Variants in UBE2L3 observed in about 807,000 individuals in gnomAD.
UBE2L3 encodes ubiquitin conjugating enzyme E2 L3, also known as ubiquitin-conjugating enzyme E2 L3.
Under a neutral mutation model 17.8 loss-of-function variants are expected in UBE2L3, and 1 was observed. The ratio of observed to expected loss-of-function variants is 0.06; its 90% CI spans 0.02 to 0.27. The LOEUF (loss-of-function observed/expected upper bound fraction) is 0.27. Ranked by LOEUF, UBE2L3 falls within the 10% of genes least tolerant of loss-of-function variation. The pLI is 1.00. For synonymous variants in UBE2L3, 44 were observed against 68.5 expected, an observed-to-expected ratio of 0.64 and a Z score of 1.76; for missense variants, 40 against 192.6, an observed-to-expected ratio of 0.21 and a Z score of 4.69.
intron 1 of UBE2L3, among the ~76,000 whole-genome samples, chr22:21,581,485 G>A (rs541872619): frequency 1.3e-5 from 2 of 152,170 alleles, no homozygotes; most frequent in South Asian, 2.1e-4. Context: ...CCACTGTGCT[G>A]GCCGGTGTTC....
At position 21,609,361 on chromosome 22, in the gene UBE2L3, G is replaced by C. The variant is rs1254050676; in HGVS notation, c.124-1496G>C. Among the ~76,000 whole-genome samples, 2 of 152,100 alleles carry C rather than the reference G, an allele frequency of 1.3e-5. 1 individual carries two copies. The highest frequency in any genetic ancestry group is 2.9e-5 in the Non-Finnish European group (2 of 68,026). On this transcript the variant is annotated intron_variant, in intron 2 of 3. Transcript: ENST00000342192. ...AAAGCAACCAAGATGTCCTTCAGTGGGTTAATGGATAAATAAATTGTGGTA... is the reference window on the plus strand; with the variant it reads ...AAAGCAACCAAGATGTCCTTCAGTGCGTTAATGGATAAATAAATTGTGGTA...
intron 1 of UBE2L3, among the ~76,000 whole-genome samples, chr22:21,576,963 C>G (rs908278134): frequency 2.6e-5 from 4 of 151,272 alleles, no homozygotes; most frequent in Non-Finnish European, 5.9e-5. Flanking sequence ...GCCACCATGC[C>G]TGGCTAATTT....
intron 3 of UBE2L3, among the ~76,000 whole-genome samples, chr22:21,613,563 G>T (rs549667193): frequency 1.3e-5 from 2 of 152,274 alleles, no homozygotes; most frequent in South Asian, 2.1e-4. Context: ...CATACATCAA[G>T]AATGTTGTTC....
intron 1 of UBE2L3, among the ~76,000 whole-genome samples, chr22:21,569,057 G>C (rs1349134480): frequency 6.6e-6 from 1 of 152,088 alleles, no homozygotes; most frequent in Non-Finnish European, 1.5e-5. Flanking sequence ...CTACTCCCAG[G>C]TGCAGTCGTC....
chr22:21,598,299 A>C (rs958567806), intron 2 of UBE2L3, among the ~76,000 whole-genome samples: 26 of 150,718 alleles, frequency 1.7e-4, no homozygotes, highest in Non-Finnish European at 2.2e-4. Flanking sequence ...TAGATTATTG[A>C]TTTCAGACTT....
At chr22:21,563,540 C>T (rs192750671), upstream of UBE2L3, among the ~76,000 whole-genome samples, 25 of 141,708 alleles carry the variant, frequency 1.8e-4, no homozygotes, top group African/African-American at 6.6e-4. Flanking sequence ...CCAGCCTGGG[C>T]GAAGAGCGAG....
intron 2 of UBE2L3, among the ~76,000 whole-genome samples, chr22:21,598,357 A>G (rs918943672): frequency 6.6e-6 from 1 of 151,830 alleles, no homozygotes; most frequent in African/African-American, 2.4e-5. Context: ...TTTGAGCACT[A>G]CTTTTGCTGC....
intron 2 of UBE2L3, among the ~76,000 whole-genome samples, chr22:21,595,972 TC>T: frequency 6.6e-6 from 1 of 151,994 alleles, no homozygotes; most frequent in African/African-American, 2.4e-5. Context: ...TTCAAGCGAT[TC>T]TCCTGCCTCA....
chr22:21,607,171 G>T lies in UBE2L3; in HGVS notation c.124-3686G>T, dbSNP rs1601433741. ...TCTGTTTACTGGAGTGCGTACTTAG[G>T]CCACGGCTTGAAGATATGGGGCTGG... On this transcript the variant is annotated intron_variant, in intron 2 of 3. Transcript: ENST00000342192. 2.6e-5 allele frequency among the ~76,000 whole-genome samples: 4 copies of T among 152,180 alleles called. No individual in the cohort carries two copies. The Middle Eastern group carries it at 0.014, about 518-fold the overall frequency.
intron 1 of UBE2L3, among the ~76,000 whole-genome samples, chr22:21,589,936 C>G (rs1295015915): frequency 6.6e-6 from 1 of 152,142 alleles, no homozygotes; most frequent in Non-Finnish European, 1.5e-5. Flanking sequence ...ATTCTTCTTT[C>G]TGGCCAGGTG....
In UBE2L3 at chr22:21,580,701, C is replaced by A. The variant is rs562553693; in HGVS notation, c.28-12160C>A. Among the ~76,000 whole-genome samples the A allele has an allele frequency of 5.3e-5, 8 of 152,248 alleles. No individual in the cohort carries two copies. The East Asian group carries it at 1.5e-3, about 29-fold the overall frequency. On this transcript the variant is annotated intron_variant, in intron 1 of 3. Coordinates refer to ENST00000342192, the MANE Select transcript of UBE2L3 (RefSeq NM_003347.4). ...TCCTGACCTTGTGATCCCCCCACCT[C>A]AGCCTCCCAAAATGCGGGATTACAG...
intron 1 of UBE2L3, among the ~76,000 whole-genome samples, chr22:21,585,797 A>G (rs1601410864): frequency 6.6e-6 from 1 of 152,178 alleles, no homozygotes; most frequent in African/African-American, 2.4e-5. Context: ...GATTCTGCAC[A>G]CTGCTCATTT....
In UBE2L3 at chr22:21,567,777, A is replaced by G; in HGVS notation, c.27+6A>G. ...CCAGCAGGAGGCTGATGAAGGTAAA[A>G]GCCATTCTCTGGCAGCGGCCGGGCG... On this transcript the variant is annotated splice_donor_region_variant and intron_variant, in intron 1 of 3. Transcript: ENST00000342192. 2 of 1,581,734 alleles carry G rather than the reference A, an allele frequency of 1.3e-6. No individual in the cohort carries two copies. Among genetic ancestry groups the G allele is most frequent in the Non-Finnish European group, 1.7e-6 (2 of 1,165,326 alleles).
At chr22:21,574,899 A>C (rs541084094) in intron 1 of UBE2L3, among the ~76,000 whole-genome samples, 5 of 152,126 alleles carry the variant, frequency 3.3e-5, no homozygotes, top group African/African-American at 1.2e-4. Context: ...TGAGAGGCAG[A>C]GGTTGCAGCG....
chr22:21,599,938 T>C (rs1385352586), intron 2 of UBE2L3, among the ~76,000 whole-genome samples: 1 of 152,214 alleles, frequency 6.6e-6, no homozygotes, highest in Non-Finnish European at 1.5e-5. Context: ...TTAATGGAGA[T>C]TGTGATTTTA....
chr22:21,605,486 G>T (rs1454179194), intron 2 of UBE2L3, among the ~76,000 whole-genome samples: 3 of 152,042 alleles, frequency 2.0e-5, no homozygotes, highest in Non-Finnish European at 4.4e-5. Flanking sequence ...TTTTAGTATA[G>T]ATAGGGTTTC....
chr22:21,570,878 C>T (rs571955141), intron 1 of UBE2L3, among the ~76,000 whole-genome samples: 85 of 152,296 alleles, frequency 5.6e-4, no homozygotes, highest in African/African-American at 2.0e-3. Context: ...TTAATTACAT[C>T]TTAAAGAACT....
chr22:21,618,251 T>C (rs1929879787), intron 3 of UBE2L3, among the ~76,000 whole-genome samples: 1 of 151,718 alleles, frequency 6.6e-6, no homozygotes, highest in Non-Finnish European at 1.5e-5. Flanking sequence ...ACAAATGGCA[T>C]CTTTTGAGAA....
At chr22:21,558,874 T>C (rs567771489) in intron 1 of UBE2L3, among the ~76,000 whole-genome samples, 76 of 152,016 alleles carry the variant, frequency 5.0e-4, no homozygotes, top group African/African-American at 1.8e-3. Flanking sequence ...TGGCACATGA[T>C]AGGTGCTCAG....
Sources: gnomAD v4.1 joint callset for allele counts (sites outside exome capture counted in the v4.1 genomes callset) on GRCh38, gnomAD v4.1.1 for gene constraint, MANE v1.5 for transcripts, NCBI Gene and HGNC (gene_info 2026-07-23, HGNC 2026-07-21) for gene names.